PCDH15: variants seen among roughly 807,000 people sequenced by gnomAD.
The protein encoded by PCDH15 is protocadherin-15.
A neutral mutation model predicts 178.5 loss-of-function variants in PCDH15; 129 were observed. That is an observed-to-expected ratio of 0.72 (90% confidence interval 0.63 to 0.84). PCDH15 has a LOEUF of 0.84. Ranked by LOEUF, PCDH15 falls within the 40% of genes least tolerant of loss-of-function variation. PCDH15 has a pLI of 0.00. For missense variants in PCDH15, 2,230 were observed against 2,099.9 expected (o/e 1.06, Z -1.21); for synonymous variants, 800 against 732.0 (o/e 1.09, Z -1.50).
At chr10:54,887,223 T>C (rs906229551) in intron 3 of PCDH15, among the ~76,000 whole-genome samples, 1 of 152,198 alleles carries the variant, frequency 6.6e-6, no homozygotes, top group Non-Finnish European at 1.5e-5. Flanking sequence ...TCTCTGTGTT[T>C]GTTTTACTCT....
At chr10:55,234,709 G>C (rs978796125) in intron 1 of PCDH15, among the ~76,000 whole-genome samples, 9 of 152,012 alleles carry the variant, frequency 5.9e-5, no homozygotes, top group Admixed American at 1.3e-4. Context: ...TGAGATTTCT[G>C]ATAAAACATG....
At chr10:54,778,031 G>A (rs12259173) in intron 1 of PCDH15, among the ~76,000 whole-genome samples, 4 of 152,186 alleles carry the variant, frequency 2.6e-5, no homozygotes, top group African/African-American at 9.6e-5. Flanking sequence ...GACAGAATCA[G>A]AAGATACTGG....
intron 14 of PCDH15, among the ~76,000 whole-genome samples, chr10:54,137,352 G>C (rs761497536): frequency 6.6e-6 from 1 of 151,976 alleles, no homozygotes; most frequent in Non-Finnish European, 1.5e-5. Context: ...TGGTAATAAA[G>C]GTCAAAGTAG....
At chr10:55,456,628 C>A (rs1839560264) in intron 2 of PCDH15, among the ~76,000 whole-genome samples, 1 of 151,802 alleles carries the variant, frequency 6.6e-6, no homozygotes, top group African/African-American at 2.4e-5. Flanking sequence ...ACTAATTATG[C>A]AATATTTTCA....
chr10:54,574,457 T>C (rs921387583), intron 2 of PCDH15, among the ~76,000 whole-genome samples: 1 of 152,050 alleles, frequency 6.6e-6, no homozygotes, highest in African/African-American at 2.4e-5. Context: ...AGTCAGGTAG[T>C]GTGATGCCTC....
intron 2 of PCDH15, among the ~76,000 whole-genome samples, chr10:55,076,246 C>A (rs1841883417): frequency 6.6e-6 from 1 of 152,044 alleles, no homozygotes; most frequent in Admixed American, 6.6e-5. Flanking sequence ...CTGTTATGTT[C>A]ATTTGCTCTA....
intron 2 of PCDH15, among the ~76,000 whole-genome samples, chr10:54,902,282 T>C (rs2131826565): frequency 6.6e-6 from 1 of 152,324 alleles, no homozygotes; most frequent in Non-Finnish European, 1.5e-5. Context: ...ACACCACTGA[T>C]ACTGTTTGGT....
intron 2 of PCDH15, among the ~76,000 whole-genome samples, chr10:55,563,213 T>G (rs1842234409): frequency 6.6e-6 from 1 of 151,892 alleles, no homozygotes; most frequent in Non-Finnish European, 1.5e-5. Flanking sequence ...CACTCCCTTC[T>G]TTTCTAAAAC....
At chr10:54,204,746 C>A (rs2050613377) in intron 10 of PCDH15, among the ~76,000 whole-genome samples, 1 of 152,046 alleles carries the variant, frequency 6.6e-6, no homozygotes, top group South Asian at 2.1e-4. Flanking sequence ...ACATGGAAAA[C>A]CAACATTATG....
At chr10:54,106,583 CCTCCTGTTACTGAAG>C (rs1400979297) in intron 15 of PCDH15, among the ~76,000 whole-genome samples, 4 of 152,178 alleles carry the variant, frequency 2.6e-5, no homozygotes, top group African/African-American at 9.7e-5. Context: ...GGAAAGCATT[CCTCCTGTTACTGAAG>C]CCACAAAAGT....
At chr10:55,061,600 AG>A (rs1841434559) in intron 2 of PCDH15, among the ~76,000 whole-genome samples, 1 of 152,192 alleles carries the variant, frequency 6.6e-6, no homozygotes, top group Admixed American at 6.5e-5. Flanking sequence ...ACCTGCACAA[AG>A]ATGTTTATAG....
chr10:54,454,246 G>T (rs1403438361), intron 3 of PCDH15, among the ~76,000 whole-genome samples: 2 of 148,984 alleles, frequency 1.3e-5, no homozygotes, highest in East Asian at 3.9e-4. Context: ...AATACACAAT[G>T]ACCAAACAGA....
At chr10:54,467,613 T>G (rs1246100521) in intron 3 of PCDH15, among the ~76,000 whole-genome samples, 23 of 147,572 alleles carry the variant, frequency 1.6e-4, no homozygotes, top group Non-Finnish European at 2.6e-4. Flanking sequence ...TTTTTTTTTT[T>G]TTTTTTTTTT....
At chr10:55,513,401 C>T (rs887327429) in intron 2 of PCDH15, among the ~76,000 whole-genome samples, 1 of 151,890 alleles carries the variant, frequency 6.6e-6, no homozygotes, top group Admixed American at 6.6e-5. Flanking sequence ...TTGATTATGC[C>T]TTTTTTGCTT....
intron 2 of PCDH15, among the ~76,000 whole-genome samples, chr10:55,627,017 A>G (rs1406416220): frequency 6.6e-6 from 1 of 152,158 alleles, no homozygotes; most frequent in Non-Finnish European, 1.5e-5. Flanking sequence ...AGAAGTCAGG[A>G]TGGTAGGAAA....
chr10:54,219,489 A>T (rs1205636850), intron 9 of PCDH15, among the ~76,000 whole-genome samples: 7 of 145,800 alleles, frequency 4.8e-5, no homozygotes. Flanking sequence ...GCTACTCGGG[A>T]GGCTGAGGCA....
chr10:54,568,241 A>G (rs149321773), intron 2 of PCDH15, among the ~76,000 whole-genome samples: 261 of 152,072 alleles, frequency 1.7e-3, no homozygotes, highest in African/African-American at 6.0e-3. Flanking sequence ...CTCATCTTCC[A>G]GATGCCTACA....
chr10:54,137,568 C>T (rs1184108917), intron 14 of PCDH15, among the ~76,000 whole-genome samples: 1 of 152,150 alleles, frequency 6.6e-6, no homozygotes, highest in African/African-American at 2.4e-5. Context: ...AGAACTGAAA[C>T]TCACCAGATC....
chr10:54,595,747 AAAACAAAC>A (rs571661139), intron 2 of PCDH15, among the ~76,000 whole-genome samples: 3 of 149,986 alleles, frequency 2.0e-5, no homozygotes, highest in Admixed American at 6.6e-5. Context: ...CCAGTACAGA[AAAACAAAC>A]AAACAAACAA....
Sources: gnomAD v4.1 joint callset for allele counts (sites outside exome capture counted in the v4.1 genomes callset) on GRCh38, gnomAD v4.1.1 for gene constraint, MANE v1.5 for transcripts, NCBI Gene and HGNC (gene_info 2026-07-23, HGNC 2026-07-21) for gene names.